FLVCR1: variants seen among roughly 807,000 people sequenced by gnomAD.
FLVCR1 encodes choline/ethanolamine transporter FLVCR1.
In FLVCR1, 34 loss-of-function variants were observed where a neutral mutation model predicts 53.6. The observed-to-expected ratio is 0.63, with a 90% CI of 0.48 to 0.84. The LOEUF is 0.84. Ranked by LOEUF, FLVCR1 falls within the 40% of genes least tolerant of loss-of-function variation. The pLI is 0.00. For missense variants in FLVCR1, 677 were observed against 696.7 expected (o/e 0.97, Z 0.32); for synonymous variants, 300 against 286.3 (o/e 1.05, Z -0.48).
At chr1:212,893,565 A>G (rs1210907132) in intron 8 of FLVCR1, among the ~76,000 whole-genome samples, 2 of 152,088 alleles carry the variant, frequency 1.3e-5, no homozygotes, top group East Asian at 3.9e-4. Flanking sequence ...ACACAGAGAG[A>G]TCTTTCATGA....
chr1:212,858,322 G>T lies in FLVCR1; in HGVS notation c.-131G>T. The T allele has an allele frequency of 1.1e-6, 1 of 928,168 alleles. No homozygotes were observed. The highest frequency in any genetic ancestry group is 2.0e-5 in the South Asian group (1 of 50,150). 57.5% of individuals were successfully genotyped at this position (928,168 alleles called of 1,614,324 possible). On this transcript the variant is annotated 5_prime_UTR_variant, in exon 1 of 10. Coordinates refer to ENST00000366971, the MANE Select transcript of FLVCR1 (RefSeq NM_014053.4). ...TAGCGCGGATTGCGGTTCGCGGCGC[G>T]CGCCACCGGGGAAGGAGCGGTGGGC...
intron 2 of FLVCR1, among the ~76,000 whole-genome samples, chr1:212,869,816 C>A (rs1450055944): frequency 6.6e-6 from 1 of 152,224 alleles, no homozygotes; most frequent in African/African-American, 2.4e-5. Flanking sequence ...GGATTAGAGG[C>A]GTGAGCCTCT....
At chr1:212,888,192 T>C (rs1665105586) in intron 6 of FLVCR1, among the ~76,000 whole-genome samples, 191 bp downstream of exon 6, 1 of 152,240 alleles carries the variant, frequency 6.6e-6, no homozygotes, top group Non-Finnish European at 1.5e-5. Context: ...TGGTTTTTGG[T>C]ATACCATAGG....
chr1:212,889,149 T>C lies in FLVCR1; in HGVS notation c.1417T>C (p.Phe473Leu). The C allele has an allele frequency of 6.3e-7, 1 of 1,596,448 alleles. No individual in the cohort carries two copies. The highest frequency in any genetic ancestry group is 8.6e-7 in the Non-Finnish European group (1 of 1,164,058). ...SGLLNASAQI[F>L]GILFTLAQGK... is the part of the protein sequence containing the mutation. ...GATTTTTCTTATTGTATTTTAGATATTTGGAATTTTGTTCACATTGGCTCA... is the reference window on the plus strand; with the variant it reads ...GATTTTTCTTATTGTATTTTAGATACTTGGAATTTTGTTCACATTGGCTCA... The change falls in exon 8 of 10, where the codon TTT becomes CTT. Residue 473 changes from phenylalanine to leucine, a missense_variant. Phe to Leu is a conservative substitution (Grantham distance 22). Transcript: ENST00000366971.
At chr1:212,881,046 T>A (rs1664913487) in intron 3 of FLVCR1, among the ~76,000 whole-genome samples, 1 of 152,114 alleles carries the variant, frequency 6.6e-6, no homozygotes, top group African/African-American at 2.4e-5. Flanking sequence ...AACTAGAATA[T>A]TTGCAAACTG....
rs776883863 is a variant in FLVCR1, at chr1:212,858,907, T to A, written c.455T>A (p.Val152Glu). The change falls in exon 1 of 10, where the codon GTG (valine) becomes GAG (glutamate). Residue 152 changes from valine (V) to glutamate (E), a missense_variant. Physicochemically the swap from Val to Glu is moderately radical, Grantham distance 121. Transcript: ENST00000366971. ...TLLHIDWLSM[V>E]YMLAYVPLIF... ...CTGCACATCGACTGGCTGTCCATGG[T>A]GTACATGCTGGCCTACGTGCCCCTC... is the stretch of plus-strand genomic sequence containing the variant. 1.9e-6 allele frequency: 3 copies of A among 1,614,252 alleles called. No individual in the cohort carries two copies. Among genetic ancestry groups the A allele is most frequent in the Middle Eastern group, 1.6e-4 (1 of 6,062 alleles).
chr1:212,868,700 T>A (rs1664517504), intron 2 of FLVCR1, among the ~76,000 whole-genome samples: 1 of 152,196 alleles, frequency 6.6e-6, no homozygotes, highest in Non-Finnish European at 1.5e-5. Flanking sequence ...TGAACCACCA[T>A]GCCTGGCCCG....
At chr1:212,873,256 T>C (rs971619347) in intron 3 of FLVCR1, among the ~76,000 whole-genome samples, 23 of 150,258 alleles carry the variant, frequency 1.5e-4, no homozygotes, top group African/African-American at 4.6e-4. Context: ...GAGGTGGCAG[T>C]GAGCCAAGAT....
chr1:212,866,742 G>A (rs1664445444), intron 2 of FLVCR1, among the ~76,000 whole-genome samples: 1 of 152,186 alleles, frequency 6.6e-6, no homozygotes, highest in Non-Finnish European at 1.5e-5. Context: ...CCTACAGGTA[G>A]AGAGTGGAAA....
At chr1:212,875,872 A>G (rs12123978) in intron 3 of FLVCR1, among the ~76,000 whole-genome samples, 65,449 of 150,368 alleles carry the variant, frequency 0.44, 15,397 homozygotes, top group East Asian at 0.54. Context: ...TTGACTATAC[A>G]TAAAAATGAT....
chr1:212,877,737 C>T lies in FLVCR1; in HGVS notation c.1024+4919C>T, dbSNP rs114143218. The stretch of plus-strand genomic sequence containing the variant: ...GAAGCTCTTTAGTTTAATTAGGTGC[C>T]AATGAATGAACTTTCTGAACCTGAT... On this transcript the variant is annotated intron_variant, in intron 3 of 9. Coordinates refer to ENST00000366971, the MANE Select transcript of FLVCR1 (RefSeq NM_014053.4). 7.0e-3 allele frequency among the ~76,000 whole-genome samples: 1,005 copies of T among 143,882 alleles called. 1 individual carries two copies. Among genetic ancestry groups the T allele is most frequent in the Middle Eastern group, 0.018 (5 of 274 alleles). The allele number at this position is 143,882 out of a possible 152,430, so 94.4% of individuals were successfully genotyped here. A position where few individuals can be genotyped will look rare whatever the true frequency, so the allele number is the denominator to read the frequency against.
chr1:212,862,712 G>C (rs1004088207), intron 1 of FLVCR1, among the ~76,000 whole-genome samples: 21 of 152,154 alleles, frequency 1.4e-4, no homozygotes, highest in Non-Finnish European at 4.4e-5. Flanking sequence ...GAGTAGAATT[G>C]CTAGGTCATA....
chr1:212,869,976 T>C lies in FLVCR1; in HGVS notation c.884-2702T>C, dbSNP rs554170624. On this transcript the variant is annotated intron_variant, in intron 2 of 9. Transcript: ENST00000366971. ...CTACCTTGTAAGCATAGTTTTTATT[T>C]TCTGAAACTTTGTTTTATAACTATG... is the stretch of plus-strand genomic sequence containing the variant. 5.9e-5 allele frequency: 9 copies of C among 152,376 alleles called. No individual in the cohort carries two copies. The East Asian group carries it at 1.7e-3, about 29-fold the overall frequency. The allele number at this position is 152,376 out of a possible 1,614,324, so 9.4% of individuals were successfully genotyped here.
chr1:212,888,779 G>A (rs1022405529), intron 7 of FLVCR1, among the ~76,000 whole-genome samples, 185 bp downstream of exon 7: 3 of 152,102 alleles, frequency 2.0e-5, no homozygotes, highest in African/African-American at 4.8e-5. Context: ...CAAACTCCTA[G>A]GCTCAAGCAA....
chr1:212,890,666 T>C (rs1665169343), intron 8 of FLVCR1, among the ~76,000 whole-genome samples: 2 of 152,224 alleles, frequency 1.3e-5, no homozygotes, highest in South Asian at 4.1e-4. Context: ...CCCCCGCAGA[T>C]ACCAAGGGAG....
In FLVCR1 at chr1:212,889,030, G is replaced by A. The variant is rs1299251575; in HGVS notation, c.1414-116G>A. ...TGTTTTAACAATTCAACTTTTCAATGAATGTTTCTAGAAACCAAATCATAT... is the reference window on the plus strand; with the variant it reads ...TGTTTTAACAATTCAACTTTTCAATAAATGTTTCTAGAAACCAAATCATAT... On this transcript the variant is annotated intron_variant, in intron 7 of 9. Transcript: ENST00000366971. 7 of 804,226 alleles carry A rather than the reference G, an allele frequency of 8.7e-6. No individual in the cohort carries two copies. The East Asian group carries it at 1.9e-4, about 22-fold the overall frequency. The allele number at this position is 804,226 out of a possible 1,614,324, so 49.8% of individuals were successfully genotyped here.
chr1:212,881,258 A>G (rs972109080), intron 3 of FLVCR1, among the ~76,000 whole-genome samples: 4 of 151,884 alleles, frequency 2.6e-5, no homozygotes, highest in African/African-American at 9.7e-5. Flanking sequence ...TTTAGGAACA[A>G]ATATAGGAGA....
intron 3 of FLVCR1, among the ~76,000 whole-genome samples, chr1:212,879,555 A>G (rs143035184): frequency 2.6e-5 from 4 of 152,140 alleles, no homozygotes; most frequent in South Asian, 2.1e-4. Flanking sequence ...TATCGGTAAT[A>G]AAGTCTATAA....
chr1:212,885,256 A>G (rs760504297), intron 4 of FLVCR1, 37 bp from the exon 5 acceptor site: 2 of 1,389,986 alleles, frequency 1.4e-6, no homozygotes, highest in African/African-American at 1.4e-5. Context: ...TAGTTAATCC[A>G]TTTATTTGAT....
Sources: gnomAD v4.1 joint callset for allele counts (sites outside exome capture counted in the v4.1 genomes callset) on GRCh38, gnomAD v4.1.1 for gene constraint, MANE v1.5 for transcripts, NCBI Gene and HGNC (gene_info 2026-07-23, HGNC 2026-07-21) for gene names.